Variants in CCDC181 observed in about 807,000 individuals in gnomAD.
The protein encoded by CCDC181 is coiled-coil domain-containing protein 181.
A neutral mutation model predicts 58.7 loss-of-function variants in CCDC181; 35 were observed. That is an observed-to-expected ratio of 0.60 (90% CI 0.46 to 0.79). The LOEUF is 0.79. Among genes scored for constraint, CCDC181 ranks in the 30% least tolerant of loss-of-function variants. The probability of loss-of-function intolerance (pLI) is 0.00; values close to 1 mark genes in which losing one functional copy is unlikely to be tolerated. For synonymous variants in CCDC181, 183 were observed against 197.5 expected (o/e 0.93, Z 0.62); for missense variants, 517 against 583.9 (o/e 0.89, Z 1.18).
chr1:169,423,078 T>TATATA (rs11438602), intron 2 of CCDC181, among the ~76,000 whole-genome samples: 1 of 147,072 alleles, frequency 6.8e-6, no homozygotes, highest in Non-Finnish European at 1.5e-5. Flanking sequence ...TATATATATA[T>TATATA]TTTTTCTCTT....
chr1:169,428,725 G>A (rs1286060898), upstream of CCDC181, among the ~76,000 whole-genome samples: 1 of 152,000 alleles, frequency 6.6e-6, no homozygotes. Flanking sequence ...GCACGATCTG[G>A]GCTCACTTCA....
At chr1:169,417,379 C>T (rs905249251) in intron 4 of CCDC181, among the ~76,000 whole-genome samples, 8 of 151,974 alleles carry the variant, frequency 5.3e-5, no homozygotes, top group African/African-American at 1.9e-4. Context: ...TCACATAACT[C>T]GAGGAAACAC....
intron 4 of CCDC181, among the ~76,000 whole-genome samples, chr1:169,414,180 A>T (rs985503824): frequency 1.3e-4 from 20 of 152,214 alleles, no homozygotes; most frequent in Admixed American, 1.0e-3. Context: ...AATGGTAAGC[A>T]TAACAACACT....
chr1:169,451,655 GCTAA>G (rs1657542164), intron 2 of CCDC181, among the ~76,000 whole-genome samples: 2 of 151,680 alleles, frequency 1.3e-5, no homozygotes, highest in African/African-American at 4.8e-5. Flanking sequence ...CTGGTTCCAG[GCTAA>G]ACAATACCCA....
At chr1:169,403,925 A>G (rs1428292123) in intron 4 of CCDC181, among the ~76,000 whole-genome samples, 1 of 152,198 alleles carries the variant, frequency 6.6e-6, no homozygotes, top group Non-Finnish European at 1.5e-5. Flanking sequence ...CAAGACTAAT[A>G]AAGAAGAAAA....
chr1:169,456,662 C>A (rs1350789717), intron 2 of CCDC181, among the ~76,000 whole-genome samples: 1 of 152,084 alleles, frequency 6.6e-6, no homozygotes, highest in Non-Finnish European at 1.5e-5. Context: ...CCATGTGATA[C>A]CCCACACTGC....
chr1:169,459,836 A>T (rs987749819), exon 2 of CCDC181: 2 of 147,832 alleles, frequency 1.4e-5, no homozygotes, highest in Middle Eastern at 3.4e-3. Context: ...CTCCCAGAAC[A>T]TCAGAAGTCT....
rs945164263 is a variant in CCDC181, at chr1:169,397,522, G to A, written c.1216-131C>T. On this transcript the variant is annotated intron_variant, in intron 4 of 5. Coordinates refer to ENST00000367806, the MANE Select transcript of CCDC181 (RefSeq NM_001300969.2). ...CATAATAATGCCAGCCTCATTACCTGCATTCCTAGTATCCAAACCAAATAC... is the reference window on the plus strand; with the variant it reads ...CATAATAATGCCAGCCTCATTACCTACATTCCTAGTATCCAAACCAAATAC... The A allele has an allele frequency of 5.6e-6, 4 of 707,994 alleles. No homozygotes were observed. The East Asian group carries it at 9.0e-5, about 16-fold the overall frequency. The allele number at this position is 707,994 out of a possible 1,614,324, so 43.9% of individuals were successfully genotyped here. A position where few individuals can be genotyped will look rare whatever the true frequency, so the allele number is the denominator to read the frequency against.
intron 2 of CCDC181, among the ~76,000 whole-genome samples, chr1:169,440,520 G>A (rs1442239879): frequency 6.6e-6 from 1 of 152,204 alleles, no homozygotes; most frequent in Non-Finnish European, 1.5e-5. Flanking sequence ...TGTGCAAAAA[G>A]GATAAGGCAT....
chr1:169,418,674 T>C, intron 4 of CCDC181: 1 of 311,496 alleles, frequency 3.2e-6, no homozygotes, highest in Non-Finnish European at 5.8e-6. Context: ...TTTCTATACG[T>C]CTAGTCTTAA....
At chr1:169,401,853 C>A (rs1203808416) in intron 4 of CCDC181, among the ~76,000 whole-genome samples, 2 of 152,124 alleles carry the variant, frequency 1.3e-5, no homozygotes, top group African/African-American at 4.8e-5. Flanking sequence ...TAACAAACTT[C>A]TCCGAGCTAA....
intron 2 of CCDC181, among the ~76,000 whole-genome samples, chr1:169,423,737 C>T (rs1656596637): frequency 6.6e-6 from 1 of 151,948 alleles, no homozygotes; most frequent in South Asian, 2.1e-4. Flanking sequence ...GGATCTCACA[C>T]CCTTCCAGTC....
intron 4 of CCDC181, among the ~76,000 whole-genome samples, chr1:169,414,207 C>T (rs1364451917): frequency 6.6e-6 from 1 of 152,048 alleles, no homozygotes; most frequent in Admixed American, 6.6e-5. Flanking sequence ...GCTACATTAA[C>T]CTCAGCCAAA....
chr1:169,401,320 T>C (rs894986002), intron 4 of CCDC181, among the ~76,000 whole-genome samples: 2 of 152,110 alleles, frequency 1.3e-5, no homozygotes, highest in Non-Finnish European at 2.9e-5. Flanking sequence ...CAGCACGGAG[T>C]TTGAGATCTG....
chr1:169,395,214 A>G lies in CCDC181; in HGVS notation c.1371-8T>C, dbSNP rs745430342. The G allele has an allele frequency of 6.2e-7, 1 of 1,608,136 alleles. No homozygotes were observed. The highest frequency in any genetic ancestry group is 1.1e-5 in the South Asian group (1 of 89,910). The stretch of plus-strand genomic sequence containing the variant: ...CGTTTCCTTCTTAACCATCTGTAGA[A>G]ACAGGCATGATCAGATTTGGTGAGT... On this transcript the variant is annotated splice_region_variant and splice_polypyrimidine_tract_variant and intron_variant, in intron 5 of 5. Transcript: ENST00000367806.
chr1:169,451,008 A>G (rs981954077), intron 2 of CCDC181: 3 of 152,216 alleles, frequency 2.0e-5, no homozygotes, highest in East Asian at 1.9e-4. Context: ...TACATACCAC[A>G]TAAGTATTCC....
chr1:169,447,407 G>A (rs1389599156), intron 2 of CCDC181, among the ~76,000 whole-genome samples: 1 of 152,090 alleles, frequency 6.6e-6, no homozygotes, highest in Non-Finnish European at 1.5e-5. Flanking sequence ...AATGAGCCAC[G>A]GTGCCTGGCC....
intron 5 of CCDC181, 89 bp downstream of exon 5, chr1:169,397,148 G>C: frequency 8.8e-7 from 1 of 1,136,922 alleles, no homozygotes. Flanking sequence ...CATTTTGAGG[G>C]TTTTTTTTTT....
intron 4 of CCDC181, among the ~76,000 whole-genome samples, chr1:169,400,766 AT>A (rs1388718534): frequency 1.3e-5 from 2 of 152,176 alleles, no homozygotes; most frequent in African/African-American, 4.8e-5. Context: ...AAGACGGGTG[AT>A]TTCTGCATTT....
Sources: gnomAD v4.1 joint callset for allele counts (sites outside exome capture counted in the v4.1 genomes callset) on GRCh38, gnomAD v4.1.1 for gene constraint, MANE v1.5 for transcripts, NCBI Gene and HGNC (gene_info 2026-07-23, HGNC 2026-07-21) for gene names.